The following CNTNAP4 variants were observed in gnomAD, a reference collection of about 807,000 sequenced individuals.
CNTNAP4 encodes contactin-associated protein-like 4.
Under a neutral mutation model 148.4 loss-of-function variants are expected in CNTNAP4, and 98 were observed. The ratio of observed to expected loss-of-function variants is 0.66; its 90% CI spans 0.56 to 0.78. The LOEUF (loss-of-function observed/expected upper bound fraction) is 0.78, where lower values mean the gene tolerates loss of function less well. Ranked by LOEUF, CNTNAP4 falls within the 30% of genes least tolerant of loss-of-function variation. The probability of loss-of-function intolerance (pLI) is 0.00; values close to 1 mark genes in which losing one functional copy is unlikely to be tolerated. For missense variants in CNTNAP4, 1,935 were observed against 1,565.6 expected, an observed-to-expected ratio of 1.24 and a Z score of -3.98; for synonymous variants, 730 against 565.1, an observed-to-expected ratio of 1.29 and a Z score of -4.14.
At chr16:76,543,198 T>A (rs2084539520) in intron 21 of CNTNAP4, among the ~76,000 whole-genome samples, 1 of 152,212 alleles carries the variant, frequency 6.6e-6, no homozygotes, top group African/African-American at 2.4e-5. Context: ...AAGTGATAAT[T>A]TATTTGGCAT....
At chr16:76,324,597 G>A (rs1022864642) in intron 2 of CNTNAP4, among the ~76,000 whole-genome samples, 2 of 152,186 alleles carry the variant, frequency 1.3e-5, no homozygotes, top group African/African-American at 2.4e-5. Context: ...CTTGGACTTT[G>A]CCTTACCTCA....
At chr16:76,495,095 G>A (rs2082356464) in intron 14 of CNTNAP4, 29 bp downstream of exon 14, 1 of 1,608,716 alleles carries the variant, frequency 6.2e-7, no homozygotes, top group Admixed American at 1.7e-5. Context: ...CTTTATGCAA[G>A]AAAAAGTTCA....
chr16:76,293,985 G>C (rs904539277), intron 1 of CNTNAP4, among the ~76,000 whole-genome samples: 1 of 152,096 alleles, frequency 6.6e-6, no homozygotes, highest in African/African-American at 2.4e-5. Context: ...GGCAAACAGA[G>C]AAAGTCCCTG....
chr16:76,386,402 T>C (rs147287804), intron 3 of CNTNAP4, among the ~76,000 whole-genome samples: 16 of 152,318 alleles, frequency 1.1e-4, no homozygotes, highest in African/African-American at 3.6e-4. Flanking sequence ...TTTGATTTGC[T>C]TGCTCTCAGT....
At chr16:76,297,911 T>C (rs550535373) in intron 1 of CNTNAP4, among the ~76,000 whole-genome samples, 2 of 152,344 alleles carry the variant, frequency 1.3e-5, no homozygotes, top group South Asian at 2.1e-4. Flanking sequence ...TAGTCTCTGC[T>C]TCTCCTTTTC....
intron 21 of CNTNAP4, among the ~76,000 whole-genome samples, chr16:76,547,856 A>G (rs2084801742): frequency 6.6e-6 from 1 of 152,254 alleles, no homozygotes. Flanking sequence ...GAATCTCCCC[A>G]GAAGAGCTTT....
Position 76,495,024 on chromosome 16 carries a change from A to G in CNTNAP4, c.2195A>G (p.Asp732Gly). 6.2e-7 allele frequency: 1 copy of G among 1,613,576 alleles called. No homozygotes were observed. Among genetic ancestry groups the G allele is most frequent in the Non-Finnish European group, 8.5e-7 (1 of 1,179,582 alleles). Residue 732 changes from aspartate (D) to glycine (G), a missense_variant, in exon 14 of 24, where the codon GAT becomes GGT. Asp to Gly is a moderately conservative substitution (Grantham distance 94). Transcript: ENST00000611870. ...TGTGGATTAGAGGGAAACTGCATTG[A>G]TTCTCAGTATTACTGCAATTGTGAT... is the stretch of plus-strand genomic sequence containing the variant. ...CTCGLEGNCI[D>G]SQYYCNCDAD...
rs571531779 is a variant in CNTNAP4 at position 76,560,380 on chromosome 16, A to G, written c.*1697A>G. Reference sequence around the variant, plus strand: ...GACTAAATCTTAAGAACCTGAATTAACATAGTAGTTTACGAAGGACTAAGG... The same window carrying G: ...GACTAAATCTTAAGAACCTGAATTAGCATAGTAGTTTACGAAGGACTAAGG... On this transcript the variant is annotated 3_prime_UTR_variant, in exon 24 of 24. Coordinates refer to ENST00000611870, the MANE Select transcript of CNTNAP4 (RefSeq NM_033401.5). Among the ~76,000 whole-genome samples the G allele has an allele frequency of 1.3e-5, 2 of 152,322 alleles. No homozygotes were observed. Among genetic ancestry groups the G allele is most frequent in the Admixed American group, 6.5e-5 (1 of 15,294 alleles).
At chr16:76,396,166 T>C (rs901105332) in intron 3 of CNTNAP4, among the ~76,000 whole-genome samples, 1 of 152,252 alleles carries the variant, frequency 6.6e-6, no homozygotes, top group South Asian at 2.1e-4. Context: ...CAAATTTTGC[T>C]TTGTTAGACC....
chr16:76,422,136 A>G (rs1468311181), intron 3 of CNTNAP4, among the ~76,000 whole-genome samples: 1 of 152,188 alleles, frequency 6.6e-6, no homozygotes, highest in Non-Finnish European at 1.5e-5. Flanking sequence ...TCTTGGTTAA[A>G]ATACATTCCT....
chr16:76,318,871 A>C (rs975719378), intron 2 of CNTNAP4, among the ~76,000 whole-genome samples: 1 of 151,846 alleles, frequency 6.6e-6, no homozygotes, highest in Non-Finnish European at 1.5e-5. Context: ...TGTTCAGCCA[A>C]GTCTGCAGTC....
At chr16:76,412,254 A>T (rs1463509614) in intron 3 of CNTNAP4, among the ~76,000 whole-genome samples, 1 of 151,568 alleles carries the variant, frequency 6.6e-6, no homozygotes. Flanking sequence ...CTATAATTGG[A>T]CATATGAATT....
intron 3 of CNTNAP4, among the ~76,000 whole-genome samples, chr16:76,386,589 C>T (rs1370622714): frequency 6.6e-6 from 1 of 152,014 alleles, no homozygotes; most frequent in Admixed American, 6.5e-5. Flanking sequence ...CAGAGCCTAA[C>T]CTGGTGCTAG....
intron 1 of CNTNAP4, among the ~76,000 whole-genome samples, chr16:76,278,584 G>C (rs1190849355): frequency 7.9e-5 from 12 of 152,062 alleles, no homozygotes; most frequent in African/African-American, 2.4e-4. Flanking sequence ...GTTATCTTTG[G>C]CTTAAATTCT....
intron 3 of CNTNAP4, among the ~76,000 whole-genome samples, chr16:76,383,764 A>G (rs1202327633): frequency 6.6e-6 from 1 of 152,194 alleles, no homozygotes; most frequent in African/African-American, 2.4e-5. Context: ...ATGAAATAAT[A>G]TGATGTCTGG....
chr16:76,460,773 A>ATAAATAAATATATATATATATATAT (rs1555564517), intron 8 of CNTNAP4, among the ~76,000 whole-genome samples: 1 of 57,324 alleles, frequency 1.7e-5, no homozygotes, highest in African/African-American at 6.4e-5. Flanking sequence ...AAAAAAAAAA[A>ATAAATAAATATATATATATATATAT]ATATATATAT....
At chr16:76,315,965 T>G (rs1007684977) in intron 1 of CNTNAP4, among the ~76,000 whole-genome samples, 1 of 152,164 alleles carries the variant, frequency 6.6e-6, no homozygotes, top group African/African-American at 2.4e-5. Context: ...GTGGTTTTTG[T>G]TTTACTTTAT....
At chr16:76,327,908 C>A (rs929315256) in intron 2 of CNTNAP4, among the ~76,000 whole-genome samples, 1 of 132,938 alleles carries the variant, frequency 7.5e-6, no homozygotes, top group Non-Finnish European at 1.7e-5. Context: ...TTTCCTTTGG[C>A]CTTCCGTCAT....
At position 76,535,496 on chromosome 16, in the gene CNTNAP4, G is replaced by C. The variant is rs747754575; in HGVS notation, c.2756-49G>C. 1.9e-6 allele frequency: 3 copies of C among 1,596,306 alleles called. No individual in the cohort carries two copies. The Admixed American group carries it at 5.2e-5, about 27-fold the overall frequency. On this transcript the variant is annotated intron_variant, in intron 17 of 23. Transcript: ENST00000611870. ...CAGTTTTGTTTGGTCTTTAAACCCT[G>C]AATAAAACACCTAGGAACATGTTTC...
Sources: allele counts gnomAD v4.1 joint callset (sites outside exome capture counted in the v4.1 genomes callset), GRCh38; gene constraint gnomAD v4.1.1; transcripts MANE v1.5; gene names NCBI Gene and HGNC (gene_info 2026-07-23, HGNC 2026-07-21).